Variants in FAM193A observed in about 807,000 individuals in gnomAD.
FAM193A encodes the protein protein FAM193A.
In FAM193A, 22 loss-of-function variants were observed where a neutral mutation model predicts 126.5. That is an observed-to-expected ratio of 0.17 (90% confidence interval 0.12 to 0.25). FAM193A has a LOEUF of 0.25. Ranked by LOEUF, FAM193A falls within the 10% of genes least tolerant of loss-of-function variation. The pLI, the probability that FAM193A is intolerant of heterozygous loss-of-function variation, is 1.00. For missense variants in FAM193A, 1,675 were observed against 1,672.8 expected, an observed-to-expected ratio of 1.00 and a Z score of -0.02; for synonymous variants, 761 against 646.8, an observed-to-expected ratio of 1.18 and a Z score of -2.68.
At chr4:2,731,227 G>C (rs970217867) in intron 20 of FAM193A, among the ~76,000 whole-genome samples, 2 of 129,968 alleles carry the variant, frequency 1.5e-5, no homozygotes, top group African/African-American at 2.9e-5. Flanking sequence ...AAAAAAAACC[G>C]GTGTGGTGGT....
At chr4:2,664,847 G>T (rs570805066) in intron 12 of FAM193A, among the ~76,000 whole-genome samples, 1 of 152,256 alleles carries the variant, frequency 6.6e-6, no homozygotes, top group African/African-American at 2.4e-5. Flanking sequence ...ACAAGCGTGA[G>T]CCACTGCACC....
At chr4:2,549,238 T>C (rs1406313642) in intron 1 of FAM193A, among the ~76,000 whole-genome samples, 1 of 150,962 alleles carries the variant, frequency 6.6e-6, no homozygotes, top group Non-Finnish European at 1.5e-5. Flanking sequence ...GCACCCAGGC[T>C]GTAAACCGGT....
intron 1 of FAM193A, among the ~76,000 whole-genome samples, chr4:2,576,933 C>G (rs950011417): frequency 6.6e-6 from 1 of 152,224 alleles, no homozygotes; most frequent in Admixed American, 6.5e-5. Context: ...TACCTATTCT[C>G]TGACCAGTCT....
chr4:2,726,950 CAAA>C (rs35697253), intron 20 of FAM193A, among the ~76,000 whole-genome samples: 6 of 104,042 alleles, frequency 5.8e-5, no homozygotes, highest in African/African-American at 3.4e-5. Context: ...AACTCCGTCC[CAAA>C]AAAAAAAAAA....
At chr4:2,629,847 A>T (rs750778975) in intron 4 of FAM193A, among the ~76,000 whole-genome samples, 1 of 152,148 alleles carries the variant, frequency 6.6e-6, no homozygotes, top group African/African-American at 2.4e-5. Context: ...AATGTGCATT[A>T]TCGGCCGGGT....
chr4:2,636,596 C>G (rs1744116017), intron 5 of FAM193A, among the ~76,000 whole-genome samples: 2 of 152,178 alleles, frequency 1.3e-5, no homozygotes, highest in African/African-American at 2.4e-5. Context: ...AATATTGATT[C>G]ACTGAGTATC....
At chr4:2,655,178 A>G (rs1165627919) in intron 7 of FAM193A, 2 of 638,036 alleles carry the variant, frequency 3.1e-6, no homozygotes, top group South Asian at 1.8e-5. Flanking sequence ...GACTTTTGAT[A>G]CTTTCTAGCA....
At chr4:2,675,023 T>C (rs1187799482) in intron 13 of FAM193A, among the ~76,000 whole-genome samples, 1 of 152,206 alleles carries the variant, frequency 6.6e-6, no homozygotes, top group Non-Finnish European at 1.5e-5. Context: ...TGCCAGAGAA[T>C]TTAATTTCCA....
At chr4:2,581,456 T>C (rs996246967) in intron 1 of FAM193A, among the ~76,000 whole-genome samples, 6 of 151,776 alleles carry the variant, frequency 4.0e-5, no homozygotes, top group African/African-American at 1.5e-4. Flanking sequence ...GGTTTCACCA[T>C]GTTGCCCAGG....
At chr4:2,552,145 G>A (rs959366726) in intron 1 of FAM193A, among the ~76,000 whole-genome samples, 1 of 151,358 alleles carries the variant, frequency 6.6e-6, no homozygotes, top group African/African-American at 2.4e-5. Context: ...CGGAGTAGCT[G>A]GGACTACAGG....
intron 1 of FAM193A, among the ~76,000 whole-genome samples, chr4:2,575,465 A>ATTTTT (rs33996164): frequency 1.5e-5 from 2 of 135,350 alleles, no homozygotes; most frequent in African/African-American, 2.8e-5. Flanking sequence ...AGATACTGGG[A>ATTTTT]TTTTTTTTTT....
rs374588814 is a variant in FAM193A, at chr4:2,542,980, T to C, written c.255+5810T>C. 1.4e-4 allele frequency among the ~76,000 whole-genome samples: 22 copies of C among 152,110 alleles called. No individual in the cohort carries two copies. The East Asian group carries it at 2.1e-3, about 15-fold the overall frequency. On this transcript the variant is annotated intron_variant, in intron 1 of 20. Coordinates refer to ENST00000637812, the MANE Select transcript of FAM193A (RefSeq NM_001366318.2). ...AAGTAGGAAAACATAACTTAGCTTA[T>C]AGGGTCTTTGACTCAAAACAGAATT... is the stretch of plus-strand genomic sequence containing the variant.
intron 19 of FAM193A, chr4:2,715,469 G>T: frequency 1.0e-6 from 1 of 984,714 alleles, no homozygotes; most frequent in Non-Finnish European, 1.2e-6. Flanking sequence ...AAAAGTTTTT[G>T]ATGAAATCTC....
intron 1 of FAM193A, among the ~76,000 whole-genome samples, chr4:2,558,039 G>A (rs749865903): frequency 7.9e-5 from 12 of 152,226 alleles, no homozygotes; most frequent in Non-Finnish European, 1.3e-4. Flanking sequence ...TTGGGAGGCC[G>A]AGGTGGGTGG....
intron 6 of FAM193A, among the ~76,000 whole-genome samples, chr4:2,644,654 C>T (rs1275300941): frequency 6.6e-6 from 1 of 152,116 alleles, no homozygotes; most frequent in Non-Finnish European, 1.5e-5. Flanking sequence ...TTACACCTAA[C>T]CTCTGCTGCC....
In FAM193A at chr4:2,647,694, C is replaced by G. The variant is rs34096174; in HGVS notation, c.1311+862C>G. Among the ~76,000 whole-genome samples the G allele has an allele frequency of 2.3e-3, 343 of 152,244 alleles. 1 individual carries two copies. Among genetic ancestry groups the G allele is most frequent in the African/African-American group, 7.8e-3 (325 of 41,520 alleles). On this transcript the variant is annotated intron_variant, in intron 7 of 20. Transcript: ENST00000637812. ...GGCGCCCCCTCCCCCCGCTTCCCAC[C>G]CCTGGCCTGCCTGCTCTCCTAAAGC...
chr4:2,722,165 G>T (rs1002371254), intron 20 of FAM193A, among the ~76,000 whole-genome samples: 8 of 152,206 alleles, frequency 5.3e-5, no homozygotes, highest in East Asian at 1.9e-4. Flanking sequence ...TGACCTGGGG[G>T]TGCTGTGACT....
At chr4:2,696,309 TTTA>T in intron 17 of FAM193A, 51 bp from the exon 18 acceptor site, 1 of 1,237,736 alleles carries the variant, frequency 8.1e-7, no homozygotes, top group Non-Finnish European at 1.2e-6. Flanking sequence ...TGGTCTGAAA[TTTA>T]TTATATTCAA....
At chr4:2,605,242 T>C (rs1421710280) in intron 2 of FAM193A, among the ~76,000 whole-genome samples, 2 of 152,164 alleles carry the variant, frequency 1.3e-5, no homozygotes, top group Non-Finnish European at 2.9e-5. Context: ...CTTGAACCCC[T>C]TCTAGTCATT....
Sources: gnomAD v4.1 joint callset for allele counts (sites outside exome capture counted in the v4.1 genomes callset) on GRCh38, gnomAD v4.1.1 for gene constraint, MANE v1.5 for transcripts, NCBI Gene and HGNC (gene_info 2026-07-23, HGNC 2026-07-21) for gene names.